The following HEXB variants were observed in gnomAD, a reference collection of about 807,000 sequenced individuals.
The protein encoded by HEXB is beta-hexosaminidase subunit beta.
In HEXB, 51 loss-of-function variants were observed where a neutral mutation model predicts 71.2. The ratio of observed to expected loss-of-function variants is 0.72; its 90% CI spans 0.57 to 0.90. The LOEUF (loss-of-function observed/expected upper bound fraction) is 0.90. Ranked by LOEUF, HEXB falls within the 40% of genes least tolerant of loss-of-function variation. HEXB has a pLI of 0.00. For missense variants in HEXB, 617 were observed against 677.0 expected, an observed-to-expected ratio of 0.91 and a Z score of 0.98; for synonymous variants, 266 against 249.3, an observed-to-expected ratio of 1.07 and a Z score of -0.63.
At chr5:74,695,079 A>T (rs1382939343) in intron 3 of HEXB, among the ~76,000 whole-genome samples, 1 of 152,146 alleles carries the variant, frequency 6.6e-6, no homozygotes, top group Non-Finnish European at 1.5e-5. Flanking sequence ...TTCAAAATAG[A>T]ATATGAAAAT....
chr5:74,654,177 G>A (rs535949481), intron 1 of HEXB, among the ~76,000 whole-genome samples: 1 of 150,860 alleles, frequency 6.6e-6, no homozygotes, highest in African/African-American at 2.4e-5. Flanking sequence ...TCTGGAATGT[G>A]GCTCACTGAA....
intron 1 of HEXB, among the ~76,000 whole-genome samples, chr5:74,667,058 A>G (rs764363260): frequency 4.5e-4 from 69 of 152,138 alleles, no homozygotes; most frequent in Admixed American, 1.4e-3. Context: ...GGTTGCGTAT[A>G]TTACAGTGAA....
chr5:74,644,256 G>C (rs1747959976), intron 1 of HEXB, among the ~76,000 whole-genome samples: 1 of 152,240 alleles, frequency 6.6e-6, no homozygotes, highest in South Asian at 2.1e-4. Flanking sequence ...CAGGTTGTCT[G>C]CATTTAGGGC....
chr5:74,717,425 TGTCAA>T (rs1235892323), intron 9 of HEXB, among the ~76,000 whole-genome samples: 2 of 151,982 alleles, frequency 1.3e-5, no homozygotes, highest in African/African-American at 4.8e-5. Context: ...ATTAGCCACA[TGTCAA>T]GTGTTCAGTA....
chr5:74,693,001 GGACAAAGCTGAATTATTTTTATTGAGTGA>G (rs1320972536), intron 2 of HEXB, among the ~76,000 whole-genome samples: 1 of 152,134 alleles, frequency 6.6e-6, no homozygotes, highest in African/African-American at 2.4e-5. Flanking sequence ...TAATTGAGTG[GGACAAAGCTGAATTATTTTTATTGAGTGA>G]GACAAAGCTG....
At chr5:74,691,045 A>G (rs1298287027) in intron 2 of HEXB, among the ~76,000 whole-genome samples, 2 of 152,234 alleles carry the variant, frequency 1.3e-5, no homozygotes, top group Middle Eastern at 3.2e-3. Context: ...AATGAAATGT[A>G]TCGAGACTAG....
chr5:74,684,418 T>G (rs1748801100), upstream of HEXB, among the ~76,000 whole-genome samples: 2 of 152,236 alleles, frequency 1.3e-5, no homozygotes, highest in Admixed American at 1.3e-4. Context: ...CAGGGAGTTC[T>G]GATAGGAAGG....
At chr5:74,687,927 T>A (rs1748909936) in intron 1 of HEXB, among the ~76,000 whole-genome samples, 1 of 152,208 alleles carries the variant, frequency 6.6e-6, no homozygotes, top group Non-Finnish European at 1.5e-5. Flanking sequence ...ATAAGTAGCA[T>A]ATATAACCTT....
chr5:74,671,025 C>G (rs1217477525), intron 1 of HEXB, among the ~76,000 whole-genome samples: 3 of 152,094 alleles, frequency 2.0e-5, no homozygotes, highest in Non-Finnish European at 4.4e-5. Flanking sequence ...CAGGAAGTCT[C>G]CTGACAGGAA....
chr5:74,661,510 TC>T (rs1186637828), intron 1 of HEXB, among the ~76,000 whole-genome samples: 4 of 57,608 alleles, frequency 6.9e-5, no homozygotes, highest in African/African-American at 2.0e-4. Context: ...ATTTTCTCTC[TC>T]TCTGTGTGTG....
chr5:74,647,630 T>C (rs1748026689), intron 1 of HEXB, among the ~76,000 whole-genome samples: 2 of 152,264 alleles, frequency 1.3e-5, no homozygotes. Context: ...TCTCTTAGCC[T>C]CGTAAGTAAT....
chr5:74,682,354 T>C (rs1748754970), upstream of HEXB, among the ~76,000 whole-genome samples: 1 of 151,986 alleles, frequency 6.6e-6, no homozygotes, highest in Non-Finnish European at 1.5e-5. Flanking sequence ...CGAGACTCCG[T>C]CTCAAAAAAA....
rs114839507 is a variant in HEXB at position 74,685,634 on chromosome 5, C to A, written c.299+75C>A. On this transcript the variant is annotated intron_variant, in intron 1 of 13. Coordinates refer to ENST00000261416, the MANE Select transcript of HEXB (RefSeq NM_000521.4). The stretch of plus-strand genomic sequence containing the variant: ...GGACCACCCCGGAGCGCTGTGCAGA[C>A]CCTCACCACCCCACTGCGCAGACGA... The A allele has an allele frequency of 4.5e-3, 5,966 of 1,325,844 alleles. 214 individuals are homozygous for A. The African/African-American group carries it at 0.08, about 18-fold the overall frequency. The allele number at this position is 1,325,844 out of a possible 1,614,324, so 82.1% of individuals were successfully genotyped here. A position where few individuals can be genotyped will look rare whatever the true frequency, so the allele number is the denominator to read the frequency against.
upstream of HEXB, among the ~76,000 whole-genome samples, chr5:74,681,880 A>C (rs1351686560): frequency 6.6e-6 from 1 of 152,250 alleles, no homozygotes; most frequent in South Asian, 2.1e-4. Flanking sequence ...GCAGTGATGC[A>C]TGTCACTTAC....
In HEXB at chr5:74,721,101, A is replaced by ATTCATGTTATCTACAGACGTGG; in HGVS notation, c.1614-16_1619dup. On this transcript the variant is annotated splice_polypyrimidine_tract_variant and intron_variant, in intron 13 of 13. Transcript: ENST00000261416. ...ATCTAAATCAATCTAAAATATCTTT[A>ATTCATGTTATCTACAGACGTGG]TTCATGTTATCTACAGACGTGGAAT... The ATTCATGTTATCTACAGACGTGG allele has an allele frequency of 6.3e-7, 1 of 1,581,158 alleles. No individual in the cohort carries two copies.
chr5:74,702,279 C>T (rs1367119140), intron 5 of HEXB, among the ~76,000 whole-genome samples: 1 of 151,016 alleles, frequency 6.6e-6, no homozygotes, highest in African/African-American at 2.4e-5. Context: ...GGGGTTTCAC[C>T]GTTTTAGCCG....
Position 74,721,239 on chromosome 5 carries a change from A to AAAAT in HEXB, c.*67_*70dup, listed in dbSNP as rs1704915227. On this transcript the variant is annotated 3_prime_UTR_variant, in exon 14 of 14. Transcript: ENST00000261416. Reference sequence around the variant, plus strand: ...AATCAACTTTATTTTGAAATCATGTAAAATAAGATATTAGACTGTTTTTTG... The same window carrying AAAAT: ...AATCAACTTTATTTTGAAATCATGTAAAATAAATAAGATATTAGACTGTTTTTTG... 2 of 1,240,448 alleles carry AAAAT rather than the reference A, an allele frequency of 1.6e-6. No individual in the cohort carries two copies. Among genetic ancestry groups the AAAAT allele is most frequent in the South Asian group, 2.4e-5 (2 of 83,024 alleles). 76.8% of individuals were successfully genotyped at this position (1,240,448 alleles called of 1,614,324 possible).
At chr5:74,689,843 T>G (rs1748958097) in intron 2 of HEXB, 1 of 209,202 alleles carries the variant, frequency 4.8e-6, no homozygotes, top group Admixed American at 5.4e-5. Flanking sequence ...GCTTCTTGTA[T>G]TTTTGTTGTA....
chr5:74,650,842 C>T (rs1023400486), intron 1 of HEXB, among the ~76,000 whole-genome samples: 1 of 144,364 alleles, frequency 6.9e-6, no homozygotes, highest in Admixed American at 7.3e-5. Context: ...AGGAGAATGG[C>T]GTGAACCTGG....
Sources: allele counts gnomAD v4.1 joint callset (sites outside exome capture counted in the v4.1 genomes callset), GRCh38; gene constraint gnomAD v4.1.1; transcripts MANE v1.5; gene names NCBI Gene and HGNC (gene_info 2026-07-23, HGNC 2026-07-21).